The following USP15 variants were observed in gnomAD, a reference collection of about 807,000 sequenced individuals.
USP15 encodes ubiquitin specific peptidase 15.
USP15 carries 18 observed loss-of-function variants against 127.1 expected under a neutral mutation model. The ratio of observed to expected loss-of-function variants is 0.14; its 90% CI spans 0.10 to 0.21. The LOEUF is 0.21. Among genes scored for constraint, USP15 ranks in the 10% least tolerant of loss-of-function variants. The pLI, the probability that USP15 is intolerant of heterozygous loss-of-function variation, is 1.00. For missense variants in USP15, 805 were observed against 1,159.9 expected (o/e 0.69, Z 4.44); for synonymous variants, 364 against 393.7 (o/e 0.92, Z 0.89).
chr12:62,332,041 G>A (rs758584466), intron 6 of USP15, among the ~76,000 whole-genome samples: 5 of 152,006 alleles, frequency 3.3e-5, no homozygotes, highest in Non-Finnish European at 5.9e-5. Flanking sequence ...GGCGGCGCCT[G>A]TAGTCCCAGC....
At position 62,384,294 on chromosome 12, in the gene USP15, C is replaced by G; in HGVS notation, c.1465C>G (p.Pro489Ala). The stretch of plus-strand genomic sequence containing the variant: ...AGTTAGAATGGATCCACTTACCAAA[C>G]CTATGCAGGTAAATCATGGGTTGGT... Reference protein sequence around the residue: ...YLVRMDPLTKPMQYKVVVPKI... With the variant: ...YLVRMDPLTKAMQYKVVVPKI... The change falls in exon 11 of 22, where the codon CCT (proline) becomes GCT (alanine). Residue 489 changes from proline (P) to alanine (A), a missense_variant. Physicochemically the swap from Pro to Ala is conservative, Grantham distance 27. This residue lies in a region of USP15 where 82 missense variants were observed against 104.4 expected (regional missense o/e 0.79). Coordinates refer to ENST00000280377, the MANE Select transcript of USP15 (RefSeq NM_001252078.2). 6.3e-7 allele frequency: 1 copy of G among 1,598,472 alleles called. No homozygotes were observed. Among genetic ancestry groups the G allele is most frequent in the South Asian group, 1.1e-5 (1 of 88,946 alleles).
intron 1 of USP15, among the ~76,000 whole-genome samples, chr12:62,280,717 G>A (rs1253997782): frequency 6.6e-6 from 1 of 152,072 alleles, no homozygotes; most frequent in Non-Finnish European, 1.5e-5. Context: ...ATGTTGAAAA[G>A]AATAAGGGAA....
In USP15 at chr12:62,389,708, A is replaced by G; in HGVS notation, c.1652+9A>G. 6.2e-7 allele frequency: 1 copy of G among 1,605,868 alleles called. No individual in the cohort carries two copies. The highest frequency in any genetic ancestry group is 8.5e-7 in the Non-Finnish European group (1 of 1,176,306). The stretch of plus-strand genomic sequence containing the variant: ...CGGGATGATATTTATGTGTAAGTAT[A>G]AAACTCATTGTGCAAAATATTACTT... On this transcript the variant is annotated intron_variant, in intron 13 of 21. Transcript: ENST00000280377.
At chr12:62,269,565 A>G (rs1040488273) in intron 1 of USP15, among the ~76,000 whole-genome samples, 3 of 152,052 alleles carry the variant, frequency 2.0e-5, no homozygotes, top group African/African-American at 7.2e-5. Flanking sequence ...ACTACAGGCA[A>G]GCACCACTGT....
intron 8 of USP15, among the ~76,000 whole-genome samples, chr12:62,363,364 CT>C (rs1678286923): frequency 6.6e-6 from 1 of 152,128 alleles, no homozygotes; most frequent in Non-Finnish European, 1.5e-5. Context: ...AGCTTATTTC[CT>C]ATCACTTACC....
At chr12:62,402,477 G>A (rs1194005774) in intron 21 of USP15, among the ~76,000 whole-genome samples, 1 of 152,002 alleles carries the variant, frequency 6.6e-6, no homozygotes, top group African/African-American at 2.4e-5. Flanking sequence ...AACCAGCACA[G>A]GGAAGTTCAT....
intron 1 of USP15, among the ~76,000 whole-genome samples, chr12:62,260,787 G>A (rs2063026904): frequency 6.6e-6 from 1 of 152,124 alleles, no homozygotes; most frequent in Non-Finnish European, 1.5e-5. Context: ...CTTCCGTAGT[G>A]CCGCTCCCAC....
At chr12:62,302,137 A>ATAT (rs1054746005) in intron 2 of USP15, among the ~76,000 whole-genome samples, 28 of 152,178 alleles carry the variant, frequency 1.8e-4, no homozygotes, top group Non-Finnish European at 3.4e-4. Flanking sequence ...GCCTTCTGGA[A>ATAT]TAATGAAATG....
In USP15 at chr12:62,316,514, GTC is replaced by G. The variant is rs965056394; in HGVS notation, c.475+1600_475+1601del. On this transcript the variant is annotated intron_variant, in intron 4 of 21. Transcript: ENST00000280377. Reference sequence around the variant, plus strand: ...TCATATGAATATGTACATGAGAAGAGTCTATAAATTTAATAAGGGTAGTCTGT... The same window carrying G: ...TCATATGAATATGTACATGAGAAGAGTATAAATTTAATAAGGGTAGTCTGT... Among the ~76,000 whole-genome samples the G allele has an allele frequency of 4.6e-5, 7 of 151,892 alleles. No individual in the cohort carries two copies. The East Asian group carries it at 7.7e-4, about 17-fold the overall frequency.
chr12:62,267,293 A>T (rs2063216787), intron 1 of USP15: 1 of 152,184 alleles, frequency 6.6e-6, no homozygotes, highest in Non-Finnish European at 1.5e-5. Flanking sequence ...CACCCAGTTT[A>T]CACAAAAGTC....
chr12:62,317,609 G>T (rs1475087226), intron 4 of USP15, among the ~76,000 whole-genome samples: 1 of 152,128 alleles, frequency 6.6e-6, no homozygotes, highest in African/African-American at 2.4e-5. Context: ...TTCCCTTATG[G>T]TCTTTTAAGA....
At chr12:62,302,977 T>G (rs549820020) in intron 3 of USP15, 57 bp downstream of exon 3, 2 of 1,542,022 alleles carry the variant, frequency 1.3e-6, no homozygotes, top group South Asian at 2.4e-5. Flanking sequence ...GTTCACATTT[T>G]ATTATTAATT....
At chr12:62,325,848 C>G in intron 5 of USP15, 24 bp from the exon 6 acceptor site, 1 of 1,586,420 alleles carries the variant, frequency 6.3e-7, no homozygotes, top group Non-Finnish European at 8.6e-7. Context: ...GGAAAAACAC[C>G]CTTTTATTGT....
chr12:62,272,568 G>A (rs144866506), intron 1 of USP15, among the ~76,000 whole-genome samples: 91 of 151,958 alleles, frequency 6.0e-4, no homozygotes, highest in African/African-American at 2.2e-3. Flanking sequence ...TTAATCATTT[G>A]TTGGTCCTTG....
intron 1 of USP15, among the ~76,000 whole-genome samples, chr12:62,277,075 T>C (rs1338111250): frequency 6.6e-6 from 1 of 152,148 alleles, no homozygotes; most frequent in Non-Finnish European, 1.5e-5. Flanking sequence ...AAGATGTATC[T>C]ATACATAACT....
At chr12:62,335,709 C>G in intron 6 of USP15, 1 of 985,398 alleles carries the variant, frequency 1.0e-6, no homozygotes. Context: ...CATCCTTAAG[C>G]TTTTTTTTCT....
At chr12:62,356,518 G>GAGTT (rs2066136348) in intron 8 of USP15, among the ~76,000 whole-genome samples, 1 of 151,914 alleles carries the variant, frequency 6.6e-6, no homozygotes, top group African/African-American at 2.4e-5. Context: ...TATAGGCCAG[G>GAGTT]AGTTAGCATC....
chr12:62,301,235 T>C (rs1297437042), intron 2 of USP15, among the ~76,000 whole-genome samples: 2 of 152,180 alleles, frequency 1.3e-5, no homozygotes, highest in East Asian at 3.8e-4. Flanking sequence ...ACACTGTTTC[T>C]ATCGATGTCA....
chr12:62,279,149 C>G (rs543007369), intron 1 of USP15: 1 of 152,248 alleles, frequency 6.6e-6, no homozygotes, highest in Admixed American at 6.5e-5. Flanking sequence ...AATATCATCA[C>G]CTCCTTATTT....
Sources: allele counts gnomAD v4.1 joint callset (sites outside exome capture counted in the v4.1 genomes callset), GRCh38; gene constraint gnomAD v4.1.1; regional missense constraint gnomAD v4.1.1; transcripts MANE v1.5; gene names NCBI Gene and HGNC (gene_info 2026-07-23, HGNC 2026-07-21).